The following KLRG1 variants were observed in gnomAD, a reference collection of about 807,000 sequenced individuals.
KLRG1 encodes killer cell lectin like receptor G1.
A neutral mutation model predicts 21.8 loss-of-function variants in KLRG1; 16 were observed. The observed-to-expected ratio is 0.73, with a 90% CI of 0.50 to 1.11. The LOEUF is 1.11. KLRG1 is among the 50% of genes most tolerant of loss of function. KLRG1 has a pLI of 0.00. For synonymous variants in KLRG1, 69 were observed against 75.9 expected, an observed-to-expected ratio of 0.91 and a Z score of 0.47; for missense variants, 173 against 218.3, an observed-to-expected ratio of 0.79 and a Z score of 1.31.
At chr12:9,199,336 C>G in the KLRG1 span, among the ~76,000 whole-genome samples, 2 of 152,118 alleles carry the variant, frequency 1.3e-5, no homozygotes, top group Non-Finnish European at 2.9e-5. Flanking sequence ...TCAGCGCATC[C>G]TCCTTCCTCA....
chr12:9,088,175 C>T, the KLRG1 span, among the ~76,000 whole-genome samples: 1 of 151,758 alleles, frequency 6.6e-6, no homozygotes, highest in Non-Finnish European at 1.5e-5. Flanking sequence ...CATCTACACA[C>T]ATTATTTCTA....
intron 1 of KLRG1, among the ~76,000 whole-genome samples, chr12:8,956,716 G>C (rs1946300784): frequency 6.6e-6 from 1 of 152,206 alleles, no homozygotes; most frequent in African/African-American, 2.4e-5. Context: ...CAAAGTGTGG[G>C]GATTACCGGC....
At chr12:9,102,400 G>A in the KLRG1 span, among the ~76,000 whole-genome samples, 2 of 152,070 alleles carry the variant, frequency 1.3e-5, no homozygotes, top group African/African-American at 4.8e-5. Flanking sequence ...ATATTTTGTA[G>A]AGACAGGGTT....
the KLRG1 span, among the ~76,000 whole-genome samples, chr12:9,071,747 T>C: frequency 2.0e-5 from 3 of 152,188 alleles, no homozygotes; most frequent in African/African-American, 4.8e-5. Flanking sequence ...TCCATCTCCA[T>C]CCATGTTCCT....
the KLRG1 span, chr12:9,162,648 C>G: frequency 1.3e-6 from 2 of 1,589,780 alleles, no homozygotes; most frequent in Non-Finnish European, 1.7e-6. Context: ...ATACCTTCAG[C>G]CTTGGATGAA....
At chr12:9,090,662 A>T in the KLRG1 span, 8 of 616,330 alleles carry the variant, frequency 1.3e-5, no homozygotes, top group Non-Finnish European at 2.2e-5. Flanking sequence ...AGATTTACAC[A>T]GGTAAATCTG....
chr12:9,155,114 GA>G, the KLRG1 span, among the ~76,000 whole-genome samples: 1 of 152,206 alleles, frequency 6.6e-6, no homozygotes, highest in Non-Finnish European at 1.5e-5. Flanking sequence ...TGATGAAAGA[GA>G]AAAGTGGTAG....
At chr12:9,104,531 A>AG in the KLRG1 span, 1 of 933,196 alleles carries the variant, frequency 1.1e-6, no homozygotes, top group Non-Finnish European at 1.6e-6. Context: ...ACAGCAGTGA[A>AG]AAAAAACGAA....
chr12:9,117,914 A>G, the KLRG1 span, among the ~76,000 whole-genome samples: 1 of 152,118 alleles, frequency 6.6e-6, no homozygotes, highest in Non-Finnish European at 1.5e-5. Context: ...TTGTTTTCAC[A>G]AGCTGGTGTG....
At chr12:8,975,335 C>T (rs1946640319) in intron 1 of KLRG1, among the ~76,000 whole-genome samples, 1 of 152,038 alleles carries the variant, frequency 6.6e-6, no homozygotes, top group Non-Finnish European at 1.5e-5. Context: ...GATTTATTCT[C>T]CTCATTTATT....
chr12:9,102,799 C>T, the KLRG1 span, among the ~76,000 whole-genome samples: 7 of 152,218 alleles, frequency 4.6e-5, no homozygotes, highest in East Asian at 1.4e-3. Flanking sequence ...AGTGCTGGCA[C>T]GTGGAAAGCA....
At chr12:9,121,242 C>T in the KLRG1 span, among the ~76,000 whole-genome samples, 1 of 152,118 alleles carries the variant, frequency 6.6e-6, no homozygotes, top group Non-Finnish European at 1.5e-5. This position sits in a 1 kb window ranked among gnomAD's most constrained non-coding sequence, Gnocchi z 4.4. Context: ...AGCACATCCT[C>T]AGGTTGTTTT....
At chr12:9,104,305 A>C in the KLRG1 span, 1 of 1,613,058 alleles carries the variant, frequency 6.2e-7, no homozygotes, top group Non-Finnish European at 8.5e-7. Flanking sequence ...GGCCATGCTC[A>C]TCCGTGGTAG....
the KLRG1 span, chr12:9,156,186 G>A: frequency 4.8e-6 from 1 of 207,370 alleles, no homozygotes; most frequent in Non-Finnish European, 1.0e-5. Context: ...GGCTTCTTTT[G>A]TGAAGTCAGT....
chr12:9,208,174 T>C, the KLRG1 span: 1 of 936,024 alleles, frequency 1.1e-6, no homozygotes, highest in South Asian at 1.3e-5. Flanking sequence ...AGTGGAAAGG[T>C]GGCATTTACA....
the KLRG1 span, among the ~76,000 whole-genome samples, chr12:9,037,886 TACAATCTATGACCTTTGCACAAAA>T: frequency 1.3e-5 from 2 of 152,220 alleles, no homozygotes; most frequent in Non-Finnish European, 2.9e-5. Flanking sequence ...TTTGTGTAAA[TACAATCTATGACCTTTGCACAAAA>T]ACAAAGTTGC....
the KLRG1 span, among the ~76,000 whole-genome samples, chr12:9,120,597 C>T: frequency 6.6e-6 from 1 of 152,152 alleles, no homozygotes; most frequent in African/African-American, 2.4e-5. Context: ...GCACATTGTC[C>T]TTGAAAAGAG....
At chr12:9,157,229 G>A in the KLRG1 span, 1 of 1,614,050 alleles carries the variant, frequency 6.2e-7, no homozygotes, top group Non-Finnish European at 8.5e-7. Flanking sequence ...TTCTGATTTT[G>A]CTTTCCCAGT....
chr12:9,207,951 G>A, the KLRG1 span, among the ~76,000 whole-genome samples: 137 of 151,978 alleles, frequency 9.0e-4, 1 homozygote, highest in Non-Finnish European at 2.5e-4. Flanking sequence ...TATATATTTC[G>A]AATATCTCTA....
Sources: allele counts gnomAD v4.1 joint callset (sites outside exome capture counted in the v4.1 genomes callset), GRCh38; gene constraint gnomAD v4.1.1; non-coding constraint Gnocchi (gnomAD v3.1); transcripts MANE v1.5; gene names NCBI Gene and HGNC (gene_info 2026-07-23, HGNC 2026-07-21).